MAK: variants seen among roughly 807,000 people sequenced by gnomAD.
The protein encoded by MAK is male germ cell associated kinase.
Under a neutral mutation model 82.6 loss-of-function variants are expected in MAK, and 65 were observed. The ratio of observed to expected loss-of-function variants is 0.79; its 90% CI spans 0.64 to 0.97. MAK has a LOEUF of 0.97. Among genes scored for constraint, MAK ranks in the 50% least tolerant of loss-of-function variants. The pLI is 0.00. For missense variants in MAK, 703 were observed against 780.2 expected, an observed-to-expected ratio of 0.90 and a Z score of 1.18; for synonymous variants, 250 against 274.2, an observed-to-expected ratio of 0.91 and a Z score of 0.87.
chr6:10,798,539 T>C (rs983196705), intron 8 of MAK, among the ~76,000 whole-genome samples: 3 of 152,118 alleles, frequency 2.0e-5, no homozygotes, highest in African/African-American at 4.8e-5. Flanking sequence ...TTGTAGAGAA[T>C]GAGAAACGTA....
Position 10,807,592 on chromosome 6 carries a change from G to A in MAK, c.491+1218C>T, listed in dbSNP as rs552537599. Among the ~76,000 whole-genome samples the A allele has an allele frequency of 3.4e-3, 517 of 151,394 alleles. 7 individuals are homozygous for A. Among genetic ancestry groups the A allele is most frequent in the African/African-American group, 0.012 (498 of 41,344 alleles). The stretch of plus-strand genomic sequence containing the variant: ...CTGGTCTCAAGTGATCCCCCACCTC[G>A]GCCTCCCAAAGTGCTGGGATTACAG... On this transcript the variant is annotated intron_variant, in intron 6 of 14. Transcript: ENST00000354489.
chr6:10,837,494 T>G (rs1001007943), intron 1 of MAK, among the ~76,000 whole-genome samples: 1 of 152,204 alleles, frequency 6.6e-6, no homozygotes, highest in Non-Finnish European at 1.5e-5. Context: ...GCCTCGGGAA[T>G]TGAAGGGCCG....
chr6:10,811,078 A>C (rs1776896236), intron 5 of MAK, among the ~76,000 whole-genome samples: 1 of 152,186 alleles, frequency 6.6e-6, no homozygotes, highest in Non-Finnish European at 1.5e-5. Flanking sequence ...AGCTCACTGT[A>C]ATCTCCGCCT....
At chr6:10,797,124 TA>T (rs199562805) in intron 8 of MAK, among the ~76,000 whole-genome samples, 5 of 148,898 alleles carry the variant, frequency 3.4e-5, no homozygotes, top group South Asian at 4.2e-4. Flanking sequence ...CTACTAGTAA[TA>T]AAAAAAAAAT....
chr6:10,771,662 G>A (rs1249210956), intron 13 of MAK, among the ~76,000 whole-genome samples: 1 of 152,186 alleles, frequency 6.6e-6, no homozygotes, highest in Non-Finnish European at 1.5e-5. Flanking sequence ...GGCATATCAG[G>A]CTTCAACAGG....
intron 4 of MAK, among the ~76,000 whole-genome samples, 157 bp from the exon 5 acceptor site, chr6:10,813,880 A>G (rs1340312927): frequency 6.6e-6 from 1 of 152,072 alleles, no homozygotes; most frequent in Admixed American, 6.5e-5. Flanking sequence ...CACACATTTA[A>G]AACATGAAAA....
chr6:10,778,591 A>G (rs914551425), intron 11 of MAK, among the ~76,000 whole-genome samples: 1 of 152,142 alleles, frequency 6.6e-6, no homozygotes, highest in Non-Finnish European at 1.5e-5. Flanking sequence ...GTTTGGGCAG[A>G]GGACCTGAGA....
At chr6:10,766,554 GCA>G (rs1772451973) in intron 14 of MAK, among the ~76,000 whole-genome samples, 1 of 152,218 alleles carries the variant, frequency 6.6e-6, no homozygotes, top group Non-Finnish European at 1.5e-5. Context: ...GCCAGTCAGG[GCA>G]CCATGTTTTC....
intron 5 of MAK, among the ~76,000 whole-genome samples, chr6:10,811,700 C>T (rs1024898036): frequency 6.6e-6 from 1 of 152,108 alleles, no homozygotes; most frequent in African/African-American, 2.4e-5. Flanking sequence ...TATATCATTA[C>T]AGGATTTAGA....
chr6:10,837,945 C>T (rs1455282061), intron 1 of MAK: 1 of 152,272 alleles, frequency 6.6e-6, no homozygotes, highest in East Asian at 1.9e-4. Context: ...CGGAATTCCA[C>T]TTTCACCTGA....
At position 10,817,988 on chromosome 6, in the gene MAK, A is replaced by G. The variant is rs1389941222; in HGVS notation, c.157-17T>C. The G allele has an allele frequency of 7.1e-7, 1 of 1,399,848 alleles. No homozygotes were observed. The highest frequency in any genetic ancestry group is 1.2e-5 in the South Asian group (1 of 82,090). 86.7% of individuals were successfully genotyped at this position (1,399,848 alleles called of 1,614,324 possible). ...CTTCAGAGACTGAAAAATAACAAATATGCCTTAAAATTTCTTAAAAAAAAC... is the reference window on the plus strand; with the variant it reads ...CTTCAGAGACTGAAAAATAACAAATGTGCCTTAAAATTTCTTAAAAAAAAC... On this transcript the variant is annotated splice_polypyrimidine_tract_variant and intron_variant, in intron 3 of 14. Coordinates refer to ENST00000354489, the MANE Select transcript of MAK (RefSeq NM_001242957.3).
At chr6:10,782,789 G>A (rs1161439479) in intron 11 of MAK, among the ~76,000 whole-genome samples, 1 of 152,138 alleles carries the variant, frequency 6.6e-6, no homozygotes, top group African/African-American at 2.4e-5. Context: ...TGTTGGTCAG[G>A]CTGGTCTCAA....
chr6:10,809,056 A>C (rs764259305), intron 5 of MAK, 114 bp from the exon 6 acceptor site: 2 of 983,732 alleles, frequency 2.0e-6, no homozygotes, highest in Non-Finnish European at 3.1e-6. Context: ...TCAAAACATC[A>C]TCTTAGGAAA....
chr6:10,810,180 G>C (rs1241590761), intron 5 of MAK, among the ~76,000 whole-genome samples: 2 of 151,102 alleles, frequency 1.3e-5, no homozygotes. Flanking sequence ...TGGCAGATGA[G>C]ATTTGTCTTA....
rs984114233 is a variant in MAK, at chr6:10,776,869, G to A, written c.1466-1410C>T. 1.8e-4 allele frequency among the ~76,000 whole-genome samples: 27 copies of A among 147,092 alleles called. No homozygotes were observed. The highest frequency in any genetic ancestry group is 6.3e-4 in the African/African-American group (25 of 39,754). On this transcript the variant is annotated intron_variant, in intron 11 of 14. Transcript: ENST00000354489. This position sits in a 1 kb window ranked among gnomAD's most constrained non-coding sequence, Gnocchi z 4.3. ...TGGGAGGCCGAGGCGGGCGGATCAC[G>A]AGGTCAGGAGTTTGAGACCAGCTTG...
intron 14 of MAK, among the ~76,000 whole-genome samples, chr6:10,765,471 T>TTTTTA (rs1561923828): frequency 8.7e-6 from 1 of 114,962 alleles, no homozygotes; most frequent in African/African-American, 3.4e-5. Context: ...TTTTTTTTTT[T>TTTTTA]TTAATGAGGC....
intron 11 of MAK, among the ~76,000 whole-genome samples, chr6:10,779,127 CAAAAAAAAAAAAA>C (rs918122203): frequency 7.0e-4 from 14 of 20,004 alleles, no homozygotes; most frequent in Non-Finnish European, 5.3e-4. Context: ...CACTTCGTCT[CAAAAAAAAAAAAA>C]AAAAAAAAAA....
chr6:10,808,052 A>C (rs1776630553), intron 6 of MAK, among the ~76,000 whole-genome samples: 1 of 151,680 alleles, frequency 6.6e-6, no homozygotes, highest in East Asian at 1.9e-4. Context: ...TGGGCGAGAG[A>C]GCGAAACTCC....
intron 6 of MAK, among the ~76,000 whole-genome samples, chr6:10,806,784 G>A (rs1776497459): frequency 6.6e-6 from 1 of 151,934 alleles, no homozygotes; most frequent in South Asian, 2.1e-4. Flanking sequence ...GAGCCACCAC[G>A]CCCGGCCTGA....
Sources: gnomAD v4.1 joint callset for allele counts (sites outside exome capture counted in the v4.1 genomes callset) on GRCh38, gnomAD v4.1.1 for gene constraint, Gnocchi (gnomAD v3.1) non-coding constraint, MANE v1.5 for transcripts, NCBI Gene and HGNC (gene_info 2026-07-23, HGNC 2026-07-21) for gene names.